The following MARCHF8 variants were observed in gnomAD, a reference collection of about 807,000 sequenced individuals.
MARCHF8 encodes membrane associated ring-CH-type finger 8.
In MARCHF8, 40 loss-of-function variants were observed where a neutral mutation model predicts 51.6. The ratio of observed to expected loss-of-function variants is 0.77; its 90% CI spans 0.60 to 1.01. The LOEUF (loss-of-function observed/expected upper bound fraction) is 1.01. Among genes scored for constraint, MARCHF8 ranks in the 50% least tolerant of loss-of-function variants. The pLI is 0.00. For synonymous variants in MARCHF8, 263 were observed against 280.3 expected (o/e 0.94, Z 0.62); for missense variants, 685 against 708.6 (o/e 0.97, Z 0.38).
At chr10:45,494,678 T>C (rs535177961) in intron 2 of MARCHF8, among the ~76,000 whole-genome samples, 63 of 152,350 alleles carry the variant, frequency 4.1e-4, no homozygotes, top group African/African-American at 1.5e-3. Context: ...GATATTGCCA[T>C]TGCCCATTTC....
chr10:45,548,222 C>T (rs1029043098), intron 1 of MARCHF8, among the ~76,000 whole-genome samples: 8 of 152,286 alleles, frequency 5.3e-5, no homozygotes, highest in Admixed American at 2.0e-4. Context: ...GAAGTCCTGT[C>T]CAAATGCAAG....
At chr10:45,471,809 C>T (rs1309488308) in intron 3 of MARCHF8, among the ~76,000 whole-genome samples, 1 of 152,204 alleles carries the variant, frequency 6.6e-6, no homozygotes, top group Non-Finnish European at 1.5e-5. Context: ...TGCAGAAATG[C>T]AGCACACACC....
chr10:45,533,230 C>A lies in MARCHF8; in HGVS notation c.-19G>T. On this transcript the variant is annotated 5_prime_UTR_variant, in exon 2 of 8. Coordinates refer to ENST00000453424, the MANE Select transcript of MARCHF8 (RefSeq NM_001282866.2). ...TGCTCATCCCAACCTCTTATCTGGT[C>A]GTCTTCTTCACAGAAGAGAGTCTCC... is the stretch of plus-strand genomic sequence containing the variant. The A allele has an allele frequency of 6.3e-7, 1 of 1,593,766 alleles. No homozygotes were observed. The highest frequency in any genetic ancestry group is 1.2e-5 in the South Asian group (1 of 86,594).
chr10:45,515,481 T>C (rs959096263), intron 2 of MARCHF8, among the ~76,000 whole-genome samples: 1 of 152,248 alleles, frequency 6.6e-6, no homozygotes, highest in Non-Finnish European at 1.5e-5. Context: ...CTTGCCCTTG[T>C]ATTTTCCCTT....
intron 1 of MARCHF8, among the ~76,000 whole-genome samples, chr10:45,553,548 A>AT (rs1271748095): frequency 6.6e-6 from 1 of 152,254 alleles, no homozygotes; most frequent in East Asian, 1.9e-4. Flanking sequence ...ACAACAAAAA[A>AT]TAAGTATGTA....
chr10:45,519,408 T>A (rs534185985), intron 2 of MARCHF8, among the ~76,000 whole-genome samples: 3 of 151,298 alleles, frequency 2.0e-5, no homozygotes, highest in African/African-American at 7.3e-5. Context: ...AAGGGAAGGT[T>A]TGGGAAGTCA....
intron 1 of MARCHF8, among the ~76,000 whole-genome samples, chr10:45,577,612 G>T (rs1157874588): frequency 2.0e-5 from 3 of 151,910 alleles, no homozygotes; most frequent in Non-Finnish European, 2.9e-5. Context: ...CAGCAAGAAG[G>T]CCCTCACCAG....
chr10:45,511,607 G>A (rs910300380), intron 2 of MARCHF8, among the ~76,000 whole-genome samples: 14 of 151,716 alleles, frequency 9.2e-5, no homozygotes, highest in African/African-American at 3.2e-4. Context: ...ACGGGGTTTC[G>A]CTGTGTTGGC....
intron 2 of MARCHF8, among the ~76,000 whole-genome samples, chr10:45,530,887 T>C (rs1026329994): frequency 2.6e-5 from 4 of 152,114 alleles, no homozygotes; most frequent in Non-Finnish European, 2.9e-5. Context: ...GGACTAAAAC[T>C]GTCATTATAG....
rs531915804 is a variant in MARCHF8 at position 45,556,088 on chromosome 10, C to T, written c.-78-22799G>A. Among the ~76,000 whole-genome samples, 229 of 152,228 alleles carry T rather than the reference C, an allele frequency of 1.5e-3. 1 individual carries two copies. The highest frequency in any genetic ancestry group is 4.1e-3 in the African/African-American group (171 of 41,506). On this transcript the variant is annotated intron_variant, in intron 1 of 6. Coordinates refer to the MARCHF8 transcript ENST00000319836. ...CTGTTTCAAAGCAAAAAAATCATTT[C>T]GCAAAATTCATATATAATAGTATGA...
At chr10:45,551,268 A>G (rs537751326) in intron 1 of MARCHF8, among the ~76,000 whole-genome samples, 12 of 152,356 alleles carry the variant, frequency 7.9e-5, no homozygotes, top group African/African-American at 2.9e-4. Flanking sequence ...TGTGCACATA[A>G]CATTATCATA....
intron 1 of MARCHF8, among the ~76,000 whole-genome samples, chr10:45,580,780 A>G (rs2044546152): frequency 6.6e-6 from 1 of 152,080 alleles, no homozygotes; most frequent in African/African-American, 2.4e-5. Flanking sequence ...CCTGATTAGT[A>G]TTGTGCGCTA....
At position 45,477,879 on chromosome 10, in the gene MARCHF8, T is replaced by C. The variant is rs576638963; in HGVS notation, c.153+11488A>G. On this transcript the variant is annotated intron_variant, in intron 3 of 7. Transcript: ENST00000453424. Reference sequence around the variant, plus strand: ...ATCAAGAGGCTATAACACTTCTACATACATCTGCACCCTACACCAGAGCAC... The same window carrying C: ...ATCAAGAGGCTATAACACTTCTACACACATCTGCACCCTACACCAGAGCAC... 1.3e-4 allele frequency among the ~76,000 whole-genome samples: 20 copies of C among 152,312 alleles called. No homozygotes were observed. The South Asian group carries it at 3.9e-3, about 30-fold the overall frequency.
At chr10:45,558,683 G>A (rs2044278180) in intron 1 of MARCHF8, among the ~76,000 whole-genome samples, 1 of 152,188 alleles carries the variant, frequency 6.6e-6, no homozygotes, top group Non-Finnish European at 1.5e-5. Flanking sequence ...TCTGCCTCCA[G>A]CACTAGCAGG....
intron 1 of MARCHF8, among the ~76,000 whole-genome samples, chr10:45,576,280 G>A (rs2044488424): frequency 6.6e-6 from 1 of 152,274 alleles, no homozygotes; most frequent in East Asian, 1.9e-4. Flanking sequence ...TCAACAAATA[G>A]TGCTGGATCA....
intron 6 of MARCHF8, among the ~76,000 whole-genome samples, chr10:45,460,525 T>C (rs1361391710): frequency 1.3e-5 from 2 of 152,272 alleles, no homozygotes; most frequent in Non-Finnish European, 2.9e-5. Context: ...TTGCAATTTA[T>C]ATATTAATGT....
At chr10:45,546,573 G>A (rs181889126) in intron 1 of MARCHF8, among the ~76,000 whole-genome samples, 9 of 152,052 alleles carry the variant, frequency 5.9e-5, no homozygotes, top group Admixed American at 3.9e-4. Context: ...CTTAAGCTCC[G>A]GAGTTTGAGA....
rs1368366921 is a variant in MARCHF8, at chr10:45,463,438, G to A, written c.801C>T (p.His267=). The change falls in exon 5 of 8, where the codon CAC becomes CAT. Residue 267 remains histidine (H), a synonymous_variant. Coordinates refer to ENST00000453424, the MANE Select transcript of MARCHF8 (RefSeq NM_001282866.2). ...TGTGCAGGCTGCTGGCGCTCAAGCC[G>A]TGCGAGAGTGAGAACAGGTACTGGA... The part of the protein sequence containing the change: ...QLLQYLFSLS[H]GLSASSLHRF... 9 of 1,550,500 alleles carry A rather than the reference G, an allele frequency of 5.8e-6. No individual in the cohort carries two copies. The highest frequency in any genetic ancestry group is 2.0e-5 in the Admixed American group (1 of 50,994).
intron 1 of MARCHF8, among the ~76,000 whole-genome samples, chr10:45,577,719 T>C (rs1044219557): frequency 4.6e-5 from 7 of 152,192 alleles, no homozygotes; most frequent in Non-Finnish European, 8.8e-5. Flanking sequence ...TATTTTGTTA[T>C]AGCAGCATAA....
Sources: gnomAD v4.1 joint callset for allele counts (sites outside exome capture counted in the v4.1 genomes callset) on GRCh38, gnomAD v4.1.1 for gene constraint, MANE v1.5 for transcripts, NCBI Gene and HGNC (gene_info 2026-07-23, HGNC 2026-07-21) for gene names.